Variants in ZNF678 observed in about 807,000 individuals in gnomAD.
The protein encoded by ZNF678 is hypothetical protein MGC42493.
A neutral mutation model predicts 3.0 loss-of-function variants in ZNF678; 5 were observed. That is an observed-to-expected ratio of 1.69 (90% CI 0.88 to 3.56). The LOEUF (loss-of-function observed/expected upper bound fraction) is 3.56. Among genes scored for constraint, ZNF678 ranks in the 30% most tolerant of loss-of-function variants. ZNF678 has a pLI of 0.00. For missense variants in ZNF678, 593 were observed against 605.0 expected, an observed-to-expected ratio of 0.98 and a Z score of 0.21; for synonymous variants, 218 against 199.6, an observed-to-expected ratio of 1.09 and a Z score of -0.78.
chr1:227,610,474 G>A (rs1657989416), intron 1 of ZNF678, among the ~76,000 whole-genome samples: 1 of 152,142 alleles, frequency 6.6e-6, no homozygotes, highest in Admixed American at 6.5e-5. Flanking sequence ...ACTGATCATA[G>A]GTTACTCTGA....
chr1:227,617,685 G>C (rs1314603201), intron 1 of ZNF678, among the ~76,000 whole-genome samples: 1 of 152,126 alleles, frequency 6.6e-6, no homozygotes, highest in African/African-American at 2.4e-5. Flanking sequence ...TGACCAATGT[G>C]GTTTGCCTGG....
chr1:227,660,298 A>C lies in ZNF678; in HGVS notation c.*4470A>C, dbSNP rs926066362. On this transcript the variant is annotated 3_prime_UTR_variant, in exon 4 of 4. Transcript: ENST00000343776. ...AAATTTTATTGATATTTTGATAGAC[A>C]TTATGTTAAATATATACATCATTTT... 2 of 151,526 alleles carry C rather than the reference A, an allele frequency of 1.3e-5. No homozygotes were observed. Among genetic ancestry groups the C allele is most frequent in the African/African-American group, 4.8e-5 (2 of 41,260 alleles). The allele number at this position is 151,526 out of a possible 1,614,324, so 9.4% of individuals were successfully genotyped here. A position where few individuals can be genotyped will look rare whatever the true frequency, so the allele number is the denominator to read the frequency against.
chr1:227,605,022 A>AT (rs1410825834), intron 1 of ZNF678, among the ~76,000 whole-genome samples: 1 of 151,820 alleles, frequency 6.6e-6, no homozygotes, highest in Non-Finnish European at 1.5e-5. Flanking sequence ...CGCCCAACTA[A>AT]TTTTTTGTAT....
intron 1 of ZNF678, among the ~76,000 whole-genome samples, chr1:227,589,826 A>G (rs1288465612): frequency 1.3e-5 from 2 of 151,724 alleles, no homozygotes; most frequent in Non-Finnish European, 2.9e-5. Context: ...CTGCCTGTGG[A>G]TTTCATTTCT....
chr1:227,668,341 C>T (rs562577801), intron 5 of ZNF678, among the ~76,000 whole-genome samples: 1 of 152,170 alleles, frequency 6.6e-6, no homozygotes, highest in East Asian at 1.9e-4. Context: ...AAAGGTTCTG[C>T]AGATATTACA....
intron 1 of ZNF678, among the ~76,000 whole-genome samples, chr1:227,593,932 C>A (rs1305330701): frequency 1.4e-5 from 2 of 145,964 alleles, no homozygotes; most frequent in African/African-American, 5.0e-5. Flanking sequence ...AGGGTACTTC[C>A]AGGCTGGCTC....
chr1:227,569,349 C>T (rs931570873), intron 1 of ZNF678, among the ~76,000 whole-genome samples: 1 of 152,128 alleles, frequency 6.6e-6, no homozygotes, highest in East Asian at 1.9e-4. Context: ...ATTTTTTTTA[C>T]CAGCTAAATA....
At chr1:227,646,028 C>G (rs1388486100) in intron 1 of ZNF678, among the ~76,000 whole-genome samples, 2 of 152,180 alleles carry the variant, frequency 1.3e-5, no homozygotes, top group South Asian at 4.1e-4. Context: ...GTCAAATGAA[C>G]TGAGATAAAA....
chr1:227,632,574 C>T (rs1284763660), intron 1 of ZNF678, among the ~76,000 whole-genome samples: 1 of 152,036 alleles, frequency 6.6e-6, no homozygotes. Flanking sequence ...GAAGCTAGTT[C>T]CAGGGAGATC....
chr1:227,646,436 A>G, intron 1 of ZNF678, 108 bp from the exon 2 acceptor site: 1 of 1,078,216 alleles, frequency 9.3e-7, no homozygotes, highest in Non-Finnish European at 1.3e-6. Flanking sequence ...GTCTTACTGG[A>G]CAGTTTCTGC....
downstream of ZNF678, among the ~76,000 whole-genome samples, chr1:227,664,731 G>A (rs1659473505): frequency 6.6e-6 from 1 of 151,950 alleles, no homozygotes; most frequent in Non-Finnish European, 1.5e-5. Context: ...TGGTTACCAG[G>A]GTTCTAAATT....
At chr1:227,640,464 C>T (rs910524059) in intron 1 of ZNF678, among the ~76,000 whole-genome samples, 2 of 151,242 alleles carry the variant, frequency 1.3e-5, no homozygotes, top group African/African-American at 2.4e-5. Context: ...ATCAGGGCAG[C>T]GAGAATGGAG....
intron 1 of ZNF678, among the ~76,000 whole-genome samples, chr1:227,599,975 T>C (rs1657694191): frequency 6.6e-6 from 1 of 152,216 alleles, no homozygotes; most frequent in South Asian, 2.1e-4. Flanking sequence ...TTTTGCTGTC[T>C]ACCCTCCAGT....
chr1:227,646,532 T>TC lies in ZNF678; in HGVS notation c.-163-3dup, dbSNP rs78467777. The TC allele has an allele frequency of 6.5e-4, 829 of 1,281,120 alleles. No individual in the cohort carries two copies. The highest frequency in any genetic ancestry group is 1.7e-3 in the Middle Eastern group (8 of 4,584). The allele number at this position is 1,281,120 out of a possible 1,614,324, so 79.4% of individuals were successfully genotyped here. A position where few individuals can be genotyped will look rare whatever the true frequency, so the allele number is the denominator to read the frequency against. ...CATTTTGTAAATACGTGTGTATTTT[T>TC]CCCCCCCCCAGGGACTACTGGCATT... On this transcript the variant is annotated splice_polypyrimidine_tract_variant and intron_variant, in intron 1 of 3. Coordinates refer to ENST00000343776, the MANE Select transcript of ZNF678 (RefSeq NM_001367909.1).
downstream of ZNF678, among the ~76,000 whole-genome samples, chr1:227,666,718 T>TTTTTC (rs888635265): frequency 6.6e-6 from 1 of 151,490 alleles, no homozygotes; most frequent in African/African-American, 2.4e-5. Context: ...CGCTCTCTCC[T>TTTTTC]TTTTCTTTTC....
At position 227,658,416 on chromosome 1, in the gene ZNF678, G is replaced by A. The variant is rs1558160107; in HGVS notation, c.*2588G>A. 6.6e-6 allele frequency: 1 copy of A among 152,150 alleles called. No individual in the cohort carries two copies. Among genetic ancestry groups the A allele is most frequent in the East Asian group, 1.9e-4 (1 of 5,176 alleles). 9.4% of individuals were successfully genotyped at this position (152,150 alleles called of 1,614,324 possible). A position where few individuals can be genotyped will look rare whatever the true frequency, so the allele number is the denominator to read the frequency against. The stretch of plus-strand genomic sequence containing the variant: ...AGAGATTAGAAATATTCAGCATAAA[G>A]AGATGGCATTAACTCTGCATGTAAA... On this transcript the variant is annotated 3_prime_UTR_variant, in exon 4 of 4. Transcript: ENST00000343776.
intron 1 of ZNF678, among the ~76,000 whole-genome samples, chr1:227,628,461 G>A (rs1387282156): frequency 6.6e-6 from 1 of 152,148 alleles, no homozygotes; most frequent in African/African-American, 2.4e-5. Context: ...TGTGTATAAT[G>A]GCCTGGCTAT....
chr1:227,640,840 A>G (rs2102790866), intron 1 of ZNF678, among the ~76,000 whole-genome samples: 1 of 152,196 alleles, frequency 6.6e-6, no homozygotes, highest in Non-Finnish European at 1.5e-5. Flanking sequence ...GAACAGGGAA[A>G]AGGAGACCAT....
chr1:227,585,645 T>C (rs1188386619), intron 1 of ZNF678, among the ~76,000 whole-genome samples: 2 of 152,062 alleles, frequency 1.3e-5, no homozygotes, highest in Admixed American at 6.6e-5. Context: ...TGGTGGCACA[T>C]GCCTTTAGTC....
Sources: allele counts gnomAD v4.1 joint callset (sites outside exome capture counted in the v4.1 genomes callset), GRCh38; gene constraint gnomAD v4.1.1; transcripts MANE v1.5; gene names NCBI Gene and HGNC (gene_info 2026-07-23, HGNC 2026-07-21).